SLIT1: variants seen among roughly 807,000 people sequenced by gnomAD.
The protein encoded by SLIT1 is slit homolog 1 protein.
In SLIT1, 66 loss-of-function variants were observed where a neutral mutation model predicts 186.1. That is an observed-to-expected ratio of 0.35 (90% confidence interval 0.29 to 0.44). SLIT1 has a LOEUF of 0.44. Ranked by LOEUF, SLIT1 falls within the 20% of genes least tolerant of loss-of-function variation. The pLI is 1.00. For missense variants in SLIT1, 1,638 were observed against 2,037.4 expected (o/e 0.80, Z 3.77); for synonymous variants, 761 against 833.8 (o/e 0.91, Z 1.50).
At chr10:97,150,658 C>A (rs77816143) in intron 4 of SLIT1, among the ~76,000 whole-genome samples, 8,130 of 147,430 alleles carry the variant, frequency 0.055, 516 homozygotes, top group African/African-American at 0.16. Flanking sequence ...GGTTTCAAGG[C>A]TAAAAGGAAG....
chr10:97,079,913 G>A (rs144270533), intron 4 of SLIT1, among the ~76,000 whole-genome samples: 11 of 152,308 alleles, frequency 7.2e-5, no homozygotes, highest in African/African-American at 2.6e-4. Context: ...GGATCTGGGA[G>A]AGCCAGGGCT....
intron 4 of SLIT1, among the ~76,000 whole-genome samples, chr10:97,099,765 A>G (rs1849331845): frequency 6.6e-6 from 1 of 152,184 alleles, no homozygotes; most frequent in Non-Finnish European, 1.5e-5. Flanking sequence ...CTTCTCGCCC[A>G]GGGGAGGCCA....
intron 4 of SLIT1, among the ~76,000 whole-genome samples, chr10:97,111,649 T>C (rs1359324156): frequency 6.6e-6 from 1 of 152,270 alleles, no homozygotes; most frequent in Non-Finnish European, 1.5e-5. Context: ...TAAATATTTA[T>C]AACCAAATGT....
intron 4 of SLIT1, among the ~76,000 whole-genome samples, chr10:97,136,474 G>C (rs1244048639): frequency 6.6e-6 from 1 of 152,046 alleles, no homozygotes; most frequent in Non-Finnish European, 1.5e-5. Context: ...TTGTGTCATA[G>C]TAATCTTTTT....
intron 20 of SLIT1, among the ~76,000 whole-genome samples, chr10:97,040,388 G>A (rs904034502): frequency 1.3e-5 from 2 of 152,156 alleles, no homozygotes; most frequent in African/African-American, 4.8e-5. Context: ...AAGTAGAACA[G>A]GAGGATGGCC....
chr10:97,148,454 A>T (rs2134710636), intron 4 of SLIT1, among the ~76,000 whole-genome samples: 1 of 93,396 alleles, frequency 1.1e-5, no homozygotes, highest in Non-Finnish European at 2.2e-5. Flanking sequence ...ATGCCTAGCT[A>T]TTTTTTCTTA....
At chr10:97,029,351 G>A (rs1848572138) in intron 25 of SLIT1, among the ~76,000 whole-genome samples, 1 of 152,250 alleles carries the variant, frequency 6.6e-6, no homozygotes, top group Admixed American at 6.5e-5. Flanking sequence ...CAAGAAGAGT[G>A]GCTTGGGGCC....
At chr10:97,109,864 T>C (rs1589397499) in intron 4 of SLIT1, among the ~76,000 whole-genome samples, 1 of 152,132 alleles carries the variant, frequency 6.6e-6, no homozygotes, top group Non-Finnish European at 1.5e-5. Context: ...CACAGCCCAG[T>C]CCTCCTGGCT....
At chr10:97,037,895 G>A in intron 21 of SLIT1, 129 bp from the exon 22 acceptor site, 1 of 640,838 alleles carries the variant, frequency 1.6e-6, no homozygotes, top group Non-Finnish European at 2.7e-6. Flanking sequence ...CACACGATGG[G>A]CCCAGAATCA....
Position 97,043,395 on chromosome 10 carries a change from C to G in SLIT1, c.1972G>C (p.Asp658His), listed in dbSNP as rs959622869. Residue 658 changes from aspartate to histidine, a missense_variant, in exon 19 of 37, where the codon GAC (aspartate) becomes CAC (histidine). Around this residue, in one of 3 missense-constraint regions of SLIT1, gnomAD observed 1,245 missense variants for 1,535.3 expected, o/e 0.81. Coordinates refer to ENST00000266058, the MANE Select transcript of SLIT1 (RefSeq NM_003061.3). This position sits in a 1 kb window ranked among gnomAD's most constrained non-coding sequence, Gnocchi z 7.0. Reference protein sequence around the residue: ...QITTVSPGAFDTLQSLSTLNL... With the variant: ...QITTVSPGAFHTLQSLSTLNL... Reference sequence around the variant, plus strand: ...AGTGTGGAGAGGGACTGGAGGGTGTCGAAGGCTCCTGGGGATACGGTGGTG... The same window carrying G: ...AGTGTGGAGAGGGACTGGAGGGTGTGGAAGGCTCCTGGGGATACGGTGGTG... 1 of 1,613,734 alleles carries G rather than the reference C, an allele frequency of 6.2e-7. No homozygotes were observed. Among genetic ancestry groups the G allele is most frequent in the Non-Finnish European group, 8.5e-7 (1 of 1,179,988 alleles).
intron 25 of SLIT1, among the ~76,000 whole-genome samples, chr10:97,026,489 TAAATA>T (rs201345096): frequency 0.037 from 5,588 of 152,018 alleles, 157 homozygotes; most frequent in Non-Finnish European, 0.057. Flanking sequence ...AATAAATAAA[TAAATA>T]AATAAATGTG....
At chr10:97,121,283 C>T (rs1849557983) in intron 4 of SLIT1, among the ~76,000 whole-genome samples, 1 of 152,204 alleles carries the variant, frequency 6.6e-6, no homozygotes, top group African/African-American at 2.4e-5. Flanking sequence ...AGAAGCCACG[C>T]TGAAGGCAGT....
At chr10:97,101,032 C>G (rs1849347924) in intron 4 of SLIT1, among the ~76,000 whole-genome samples, 1 of 152,212 alleles carries the variant, frequency 6.6e-6, no homozygotes, top group Admixed American at 6.5e-5. Context: ...AGCTGAACCC[C>G]TTCCTGCTGG....
At chr10:97,087,625 C>T (rs902900268) in intron 4 of SLIT1, among the ~76,000 whole-genome samples, 6 of 152,154 alleles carry the variant, frequency 3.9e-5, no homozygotes, top group Non-Finnish European at 8.8e-5. Flanking sequence ...CACAAAGGCT[C>T]GCCTCAAAGC....
At chr10:97,064,629 C>T (rs2134640328) in intron 6 of SLIT1, among the ~76,000 whole-genome samples, 176 bp downstream of exon 6, 1 of 152,274 alleles carries the variant, frequency 6.6e-6, no homozygotes, top group South Asian at 2.1e-4. Context: ...CTGGGGCACA[C>T]TACTTGCTGC....
chr10:97,043,745 C>G lies in SLIT1; in HGVS notation c.1854-232G>C, dbSNP rs1398317739. Among the ~76,000 whole-genome samples, 2 of 152,230 alleles carry G rather than the reference C, an allele frequency of 1.3e-5. No homozygotes were observed. The highest frequency in any genetic ancestry group is 2.9e-5 in the Non-Finnish European group (2 of 68,038). On this transcript the variant is annotated intron_variant, in intron 18 of 36. Coordinates refer to ENST00000266058, the MANE Select transcript of SLIT1 (RefSeq NM_003061.3). The surrounding 1 kb of genome is among the most constrained non-coding windows in gnomAD (Gnocchi z 7.0). The stretch of plus-strand genomic sequence containing the variant: ...TGAGAAGCCTCGAGGCTCTGTCTCT[C>G]TCTCCCTGCCACTGCCCTGTCCCCC...
chr10:97,110,781 T>C (rs2172038), intron 4 of SLIT1, among the ~76,000 whole-genome samples: 95,029 of 152,136 alleles, frequency 0.62, 30,545 homozygotes, highest in Admixed American at 0.7. Context: ...CTACGTTCTT[T>C]TGCTTAAGTT....
At chr10:97,120,498 T>C (rs1380141963) in intron 4 of SLIT1, among the ~76,000 whole-genome samples, 1 of 152,224 alleles carries the variant, frequency 6.6e-6, no homozygotes, top group Admixed American at 6.5e-5. Flanking sequence ...CTCAAGGACT[T>C]GTGTCGGGGT....
chr10:97,055,466 A>G (rs1848828309), intron 13 of SLIT1, among the ~76,000 whole-genome samples: 1 of 152,030 alleles, frequency 6.6e-6, no homozygotes, highest in East Asian at 1.9e-4. Context: ...GGCTCAAGCA[A>G]TCATCCTACT....
Sources: gnomAD v4.1 joint callset for allele counts (sites outside exome capture counted in the v4.1 genomes callset) on GRCh38, gnomAD v4.1.1 for gene constraint, gnomAD v4.1.1 regional missense constraint, Gnocchi (gnomAD v3.1) non-coding constraint, MANE v1.5 for transcripts, NCBI Gene and HGNC (gene_info 2026-07-23, HGNC 2026-07-21) for gene names.